CHRM3: variants seen among roughly 807,000 people sequenced by gnomAD.
CHRM3 encodes the protein cholinergic receptor muscarinic 3.
Under a neutral mutation model 41.8 loss-of-function variants are expected in CHRM3, and 11 were observed. The observed-to-expected ratio is 0.26, with a 90% CI of 0.17 to 0.44. The LOEUF is 0.44. Ranked by LOEUF, CHRM3 falls within the 20% of genes least tolerant of loss-of-function variation. The pLI is 1.00. For synonymous variants in CHRM3, 297 were observed against 301.4 expected (o/e 0.99, Z 0.15); for missense variants, 571 against 745.4 (o/e 0.77, Z 2.72).
intron 2 of CHRM3, 130 bp downstream of exon 2, chr1:239,492,937 T>C (rs890144329): frequency 6.6e-6 from 1 of 152,176 alleles, no homozygotes; most frequent in African/African-American, 2.4e-5. Flanking sequence ...CTGAGAAGAC[T>C]AACACTTCAA....
At chr1:239,438,219 A>G (rs1386091260) in intron 1 of CHRM3, among the ~76,000 whole-genome samples, 1 of 152,058 alleles carries the variant, frequency 6.6e-6, no homozygotes, top group Non-Finnish European at 1.5e-5. Context: ...TTTTTTCTTA[A>G]TAGTTAAGAA....
chr1:239,892,579 T>C (rs1678644491), intron 6 of CHRM3, among the ~76,000 whole-genome samples: 1 of 152,230 alleles, frequency 6.6e-6, no homozygotes, highest in Admixed American at 6.5e-5. Flanking sequence ...GGTTGATGAC[T>C]AGCTCCTTTG....
chr1:239,720,965 T>C (rs1662911660), intron 5 of CHRM3, among the ~76,000 whole-genome samples: 3 of 151,924 alleles, frequency 2.0e-5, no homozygotes, highest in African/African-American at 4.8e-5. Context: ...TCAACTTAAA[T>C]TGATTTGAGA....
intron 5 of CHRM3, among the ~76,000 whole-genome samples, chr1:239,802,259 C>T (rs1670281106): frequency 6.6e-6 from 1 of 152,112 alleles, no homozygotes; most frequent in South Asian, 2.1e-4. Context: ...CTCCTTCAAG[C>T]TAATAACAAA....
chr1:239,414,024 A>T (rs1445902603), intron 1 of CHRM3, among the ~76,000 whole-genome samples: 1 of 152,184 alleles, frequency 6.6e-6, no homozygotes, highest in Non-Finnish European at 1.5e-5. Context: ...AAAGAATTTG[A>T]GTTTTAGACT....
intron 6 of CHRM3, among the ~76,000 whole-genome samples, chr1:239,894,567 G>A (rs562204259): frequency 1.9e-4 from 29 of 152,212 alleles, no homozygotes; most frequent in African/African-American, 6.3e-4. Flanking sequence ...CAAGTAGCTG[G>A]CATTACAGGT....
chr1:239,594,729 A>C (rs914768405), intron 3 of CHRM3, among the ~76,000 whole-genome samples: 13 of 152,210 alleles, frequency 8.5e-5, no homozygotes, highest in African/African-American at 3.1e-4. Context: ...CTTTTAAGAA[A>C]GGTAATATAG....
intron 4 of CHRM3, among the ~76,000 whole-genome samples, chr1:239,659,284 T>C (rs2149002272): frequency 6.6e-6 from 1 of 152,274 alleles, no homozygotes; most frequent in African/African-American, 2.4e-5. Flanking sequence ...GATCTTGCCA[T>C]CTCACTTGTT....
At chr1:239,394,259 G>A (rs1401272969) in intron 1 of CHRM3, among the ~76,000 whole-genome samples, 1 of 152,270 alleles carries the variant, frequency 6.6e-6, no homozygotes. Context: ...AAGACCCTAG[G>A]GGAGAATCCT....
At chr1:239,670,093 A>G (rs1573220749) in intron 4 of CHRM3, among the ~76,000 whole-genome samples, 1 of 152,258 alleles carries the variant, frequency 6.6e-6, no homozygotes, top group Admixed American at 6.5e-5. Flanking sequence ...ATATTAAGGC[A>G]TAATACATGT....
At chr1:239,445,942 CTTTT>C (rs201130618) in intron 1 of CHRM3, among the ~76,000 whole-genome samples, 1 of 146,644 alleles carries the variant, frequency 6.8e-6, no homozygotes, top group East Asian at 2.0e-4. Context: ...ATGGTGTGCA[CTTTT>C]TTTTTTTTTG....
At chr1:239,881,033 C>T (rs1677544213) in intron 6 of CHRM3, among the ~76,000 whole-genome samples, 1 of 152,074 alleles carries the variant, frequency 6.6e-6, no homozygotes, top group Non-Finnish European at 1.5e-5. Flanking sequence ...CCTGTCATCC[C>T]AGCACTTTGG....
chr1:239,577,151 A>AT (rs1182853427), intron 3 of CHRM3, among the ~76,000 whole-genome samples: 2 of 151,938 alleles, frequency 1.3e-5, no homozygotes, highest in Non-Finnish European at 2.9e-5. Flanking sequence ...TTCTGACTAG[A>AT]TTTTTTCTCT....
chr1:239,766,823 T>C (rs773543199), intron 5 of CHRM3, among the ~76,000 whole-genome samples: 30 of 152,210 alleles, frequency 2.0e-4, no homozygotes, highest in Non-Finnish European at 2.9e-4. Context: ...ATGATTCTCC[T>C]GTCTCAGCCT....
At chr1:239,874,287 A>ATATATATATATATATATATATACACAG in intron 6 of CHRM3, among the ~76,000 whole-genome samples, 1 of 63,900 alleles carries the variant, frequency 1.6e-5, no homozygotes, top group African/African-American at 9.0e-5. Context: ...TATACACAGT[A>ATATATATATATATATATATATACACAG]TATATATATA....
At chr1:239,794,237 C>A (rs960004892) in intron 5 of CHRM3, among the ~76,000 whole-genome samples, 1 of 152,064 alleles carries the variant, frequency 6.6e-6, no homozygotes, top group Admixed American at 6.5e-5. Context: ...TGTCTGGAGA[C>A]AGTACAGAGA....
intron 3 of CHRM3, among the ~76,000 whole-genome samples, chr1:239,613,857 G>A (rs1667333842): frequency 6.6e-6 from 1 of 152,034 alleles, no homozygotes; most frequent in Non-Finnish European, 1.5e-5. Flanking sequence ...ACTGACAGCA[G>A]TGATCAAGAA....
chr1:239,709,682 T>C (rs2148199069), intron 5 of CHRM3, among the ~76,000 whole-genome samples: 1 of 152,320 alleles, frequency 6.6e-6, no homozygotes, highest in African/African-American at 2.4e-5. Flanking sequence ...GGAAATACCA[T>C]TGTCAGGGAC....
At chr1:239,388,200 G>A (rs898358337) in intron 1 of CHRM3, among the ~76,000 whole-genome samples, 1 of 150,872 alleles carries the variant, frequency 6.6e-6, no homozygotes, top group African/African-American at 2.4e-5. Flanking sequence ...ACTGGAACCT[G>A]TCCAAAGGCT....
Sources: allele counts gnomAD v4.1 joint callset (sites outside exome capture counted in the v4.1 genomes callset), GRCh38; gene constraint gnomAD v4.1.1; transcripts MANE v1.5; gene names NCBI Gene and HGNC (gene_info 2026-07-23, HGNC 2026-07-21).